UBAP2: variants seen among roughly 807,000 people sequenced by gnomAD.
The protein encoded by UBAP2 is ubiquitin-associated protein 2.
A neutral mutation model predicts 139.6 loss-of-function variants in UBAP2; 75 were observed. The observed-to-expected ratio is 0.54, with a 90% CI of 0.45 to 0.65. The LOEUF (loss-of-function observed/expected upper bound fraction) is 0.65. Ranked by LOEUF, UBAP2 falls within the 30% of genes least tolerant of loss-of-function variation. The pLI, the probability that UBAP2 is intolerant of heterozygous loss-of-function variation, is 0.00. For missense variants in UBAP2, 1,368 were observed against 1,369.6 expected (o/e 1.00, Z 0.02); for synonymous variants, 526 against 526.2 (o/e 1.00, Z 0.01).
intron 8 of UBAP2, among the ~76,000 whole-genome samples, chr9:33,969,921 C>CTTTTTTTTTTTTTTT (rs1173625005): frequency 2.2e-5 from 1 of 46,182 alleles, no homozygotes; most frequent in African/African-American, 8.9e-5. Flanking sequence ...GTGTATAATT[C>CTTTTTTTTTTTTTTT]TTTTTTTTTT....
At chr9:34,005,154 T>C (rs1211501258) in intron 2 of UBAP2, among the ~76,000 whole-genome samples, 1 of 150,344 alleles carries the variant, frequency 6.7e-6, no homozygotes, top group Non-Finnish European at 1.5e-5. Context: ...TCCCAACTAC[T>C]CAGGAGGTTG....
At chr9:33,957,665 G>A (rs1247275633) in intron 10 of UBAP2, among the ~76,000 whole-genome samples, 1 of 152,030 alleles carries the variant, frequency 6.6e-6, no homozygotes, top group African/African-American at 2.4e-5. Flanking sequence ...TTCAATGTGG[G>A]GACTCGGCTT....
intron 16 of UBAP2, among the ~76,000 whole-genome samples, chr9:33,937,599 CAAAA>C (rs1185167927): frequency 3.5e-5 from 3 of 85,502 alleles, no homozygotes; most frequent in African/African-American, 1.0e-4. Flanking sequence ...GACTCTGTCT[CAAAA>C]AAAAAAAAAA....
intron 1 of UBAP2, among the ~76,000 whole-genome samples, chr9:34,024,239 G>A (rs1825213937): frequency 1.3e-5 from 2 of 151,864 alleles, no homozygotes; most frequent in Non-Finnish European, 2.9e-5. Context: ...CTACTCAGGA[G>A]GCTGAGGCAG....
At chr9:34,024,740 T>C (rs933787420) in intron 1 of UBAP2, among the ~76,000 whole-genome samples, 2 of 152,110 alleles carry the variant, frequency 1.3e-5, no homozygotes, top group Admixed American at 1.3e-4. Flanking sequence ...TCTCAGCACT[T>C]TGGGAGGCTG....
chr9:34,020,636 AT>A (rs1824858993), intron 1 of UBAP2, among the ~76,000 whole-genome samples: 1 of 145,638 alleles, frequency 6.9e-6, no homozygotes, highest in Non-Finnish European at 1.5e-5. Context: ...AGAGCCAACG[AT>A]TTTAACAATA....
chr9:33,935,774 A>G (rs774636664), intron 17 of UBAP2, 65 bp downstream of exon 17: 2 of 1,583,148 alleles, frequency 1.3e-6, no homozygotes, highest in Non-Finnish European at 1.7e-6. Flanking sequence ...ACATCACGTG[A>G]GCTATCCTCT....
chr9:33,933,612 G>A lies in UBAP2; in HGVS notation c.1986C>T (p.Gly662=). The A allele has an allele frequency of 6.2e-7, 1 of 1,613,886 alleles. No individual in the cohort carries two copies. Among genetic ancestry groups the A allele is most frequent in the Non-Finnish European group, 8.5e-7 (1 of 1,180,002 alleles). ...TCACAGACGGGAGGGCAGAGGGAGG[G>A]CCTGTTGTCTTTGGAGCTGGAACAG... ...QQTLDTPKTT[G]PPSALPSVSS... is the part of the protein sequence containing the mutation. The change falls in exon 18 of 29, where the codon GGC becomes GGT. Residue 662 remains glycine (G), a synonymous_variant. Transcript: ENST00000379238.
chr9:34,018,526 C>G (rs1301324534), intron 1 of UBAP2, among the ~76,000 whole-genome samples: 1 of 152,060 alleles, frequency 6.6e-6, no homozygotes, highest in Non-Finnish European at 1.5e-5. Context: ...AAAAACAAAT[C>G]TCAAAGCAGA....
intron 6 of UBAP2, among the ~76,000 whole-genome samples, chr9:33,980,410 A>ATT (rs35494081): frequency 3.0e-4 from 41 of 134,570 alleles, no homozygotes; most frequent in African/African-American, 9.2e-4. Context: ...CTTTTTTTGT[A>ATT]TTTTTTTTTT....
chr9:34,035,081 T>A (rs1014031952), intron 1 of UBAP2, among the ~76,000 whole-genome samples: 1 of 152,096 alleles, frequency 6.6e-6, no homozygotes. Flanking sequence ...CTTAACCTTC[T>A]GTATTCTGGT....
intron 2 of UBAP2, among the ~76,000 whole-genome samples, chr9:34,013,076 C>T (rs1823902586): frequency 6.7e-6 from 1 of 148,578 alleles, no homozygotes; most frequent in Admixed American, 6.8e-5. Flanking sequence ...ATCACTTGAA[C>T]CCAGGAGGCA....
intron 1 of UBAP2, among the ~76,000 whole-genome samples, chr9:34,030,610 G>C (rs1294639535): frequency 6.6e-6 from 1 of 151,138 alleles, no homozygotes; most frequent in Non-Finnish European, 1.5e-5. Context: ...GTGCCCAAGA[G>C]ATGAGTGAGA....
At chr9:33,928,542 CCACCAATGCCT>C (rs1218661846) in intron 19 of UBAP2, 1 of 152,888 alleles carries the variant, frequency 6.5e-6, no homozygotes, top group Non-Finnish European at 1.5e-5. Flanking sequence ...ACCTTTCAGT[CCACCAATGCCT>C]CACCAGTGCC....
intron 12 of UBAP2, among the ~76,000 whole-genome samples, chr9:33,949,217 A>T (rs990617551): frequency 6.6e-6 from 1 of 152,020 alleles, no homozygotes; most frequent in South Asian, 2.1e-4. Flanking sequence ...ATAAAAAGTG[A>T]TGTCATAAGT....
chr9:33,959,561 G>C lies in UBAP2; in HGVS notation c.798+1265C>G, dbSNP rs372807616. On this transcript the variant is annotated intron_variant, in intron 10 of 28. Transcript: ENST00000379238. The stretch of plus-strand genomic sequence containing the variant: ...ACAGAAAAGAGGTATAAAATTTTAT[G>C]GTATTGGGTTATTTATCCCTTTTTT... 2.6e-3 allele frequency among the ~76,000 whole-genome samples: 388 copies of C among 152,112 alleles called. 1 individual carries two copies. The highest frequency in any genetic ancestry group is 4.8e-3 in the Non-Finnish European group (326 of 68,000).
In UBAP2 at chr9:33,943,486, A is replaced by C; in HGVS notation, c.1649T>G (p.Phe550Cys). 1 of 1,614,218 alleles carries C rather than the reference A, an allele frequency of 6.2e-7. No individual in the cohort carries two copies. The highest frequency in any genetic ancestry group is 1.6e-4 in the Middle Eastern group (1 of 6,062). ...EFGSEPSLSEFGSAPSSENSN... is the reference protein window; with the variant it reads ...EFGSEPSLSECGSAPSSENSN... ...ATTTTCACTGCTTGGAGCTGATCCA[A>C]ATTCAGAGAGAGAAGGTTCTGACCC... The change falls in exon 15 of 29, where the codon TTT (phenylalanine) becomes TGT (cysteine). Residue 550 changes from phenylalanine (F) to cysteine (C), a missense_variant. Coordinates refer to ENST00000379238, the MANE Select transcript of UBAP2 (RefSeq NM_001370062.2).
At chr9:33,979,104 G>A (rs1291131985) in intron 6 of UBAP2, among the ~76,000 whole-genome samples, 1 of 152,118 alleles carries the variant, frequency 6.6e-6, no homozygotes, top group East Asian at 1.9e-4. Flanking sequence ...GCATTGTGAT[G>A]TGCACCTGCA....
At chr9:34,012,549 T>A (rs1313887454) in intron 2 of UBAP2, among the ~76,000 whole-genome samples, 1 of 148,464 alleles carries the variant, frequency 6.7e-6, no homozygotes, top group Non-Finnish European at 1.5e-5. Context: ...AAAGGCATTA[T>A]GAGGACCATT....
Sources: gnomAD v4.1 joint callset for allele counts (sites outside exome capture counted in the v4.1 genomes callset) on GRCh38, gnomAD v4.1.1 for gene constraint, MANE v1.5 for transcripts, NCBI Gene and HGNC (gene_info 2026-07-23, HGNC 2026-07-21) for gene names.